SLC39A9: variants seen among roughly 807,000 people sequenced by gnomAD.
SLC39A9 encodes the protein solute carrier family 39 member 9.
Under a neutral mutation model 28.4 loss-of-function variants are expected in SLC39A9, and 14 were observed. That is an observed-to-expected ratio of 0.49 (90% CI 0.33 to 0.77). The LOEUF is 0.77. SLC39A9 is among the 30% of genes least tolerant of loss of function. The pLI is 0.02. For synonymous variants in SLC39A9, 119 were observed against 149.6 expected (o/e 0.80, Z 1.49); for missense variants, 283 against 381.1 (o/e 0.74, Z 2.14).
chr14:69,461,823 G>A lies in SLC39A9; in HGVS notation c.*3230G>A, dbSNP rs1372674409. 4.3e-6 allele frequency: 6 copies of A among 1,400,962 alleles called. No homozygotes were observed. In the African/African-American group the frequency reaches 8.6e-5, roughly 20 times the overall value. The allele number at this position is 1,400,962 out of a possible 1,614,324, so 86.8% of individuals were successfully genotyped here. On this transcript the variant is annotated 3_prime_UTR_variant, in exon 7 of 7. Coordinates refer to ENST00000336643, the MANE Select transcript of SLC39A9 (RefSeq NM_018375.5). ...CCCCCAAAGGATGTTCCTGCCTTGTGGGCCCCTGAGCCCCTTGGGAGACTG... is the reference window on the plus strand; with the variant it reads ...CCCCCAAAGGATGTTCCTGCCTTGTAGGCCCCTGAGCCCCTTGGGAGACTG...
intron 1 of SLC39A9, among the ~76,000 whole-genome samples, chr14:69,404,205 C>T (rs939787594): frequency 2.0e-5 from 3 of 152,132 alleles, no homozygotes; most frequent in African/African-American, 7.2e-5. Context: ...CCACTGGCAA[C>T]ATAAGGAGAC....
At chr14:69,414,748 T>G (rs1215180941) in intron 1 of SLC39A9, among the ~76,000 whole-genome samples, 1 of 152,232 alleles carries the variant, frequency 6.6e-6, no homozygotes, top group Non-Finnish European at 1.5e-5. Flanking sequence ...TATCTGTTAT[T>G]CTAGAAAGTA....
chr14:69,446,646 G>T (rs1010677197), intron 3 of SLC39A9, among the ~76,000 whole-genome samples: 1 of 152,000 alleles, frequency 6.6e-6, no homozygotes, highest in Non-Finnish European at 1.5e-5. Flanking sequence ...GCCTAGGCGG[G>T]TGCATCACCT....
At chr14:69,458,043 G>A (rs1271118887) in intron 6 of SLC39A9, among the ~76,000 whole-genome samples, 6 of 152,182 alleles carry the variant, frequency 3.9e-5, no homozygotes, top group African/African-American at 1.4e-4. Context: ...TATTTGAGAT[G>A]ACAGATGTTA....
chr14:69,422,256 TTTTG>T (rs756226545), intron 1 of SLC39A9, among the ~76,000 whole-genome samples: 78 of 152,202 alleles, frequency 5.1e-4, no homozygotes, highest in Non-Finnish European at 8.8e-4. Flanking sequence ...TCCCTTGTGG[TTTTG>T]TTTATTTTCA....
intron 2 of SLC39A9, among the ~76,000 whole-genome samples, chr14:69,427,332 CAG>C (rs1884253894): frequency 6.6e-6 from 1 of 152,112 alleles, no homozygotes; most frequent in African/African-American, 2.4e-5. Context: ...CATTTGAAAA[CAG>C]ATTACAAAGT....
chr14:69,459,251 G>C lies in SLC39A9; in HGVS notation c.*658G>C. 1 of 985,452 alleles carries C rather than the reference G, an allele frequency of 1.0e-6. No individual in the cohort carries two copies. The highest frequency in any genetic ancestry group is 1.2e-6 in the Non-Finnish European group (1 of 829,934). The allele number at this position is 985,452 out of a possible 1,614,324, so 61.0% of individuals were successfully genotyped here. ...CAGCTCCTTTGGCACGTGCCTCTCT[G>C]AATCCAGCCTGCCATTCCATCAAAT... is the stretch of plus-strand genomic sequence containing the variant. On this transcript the variant is annotated 3_prime_UTR_variant, in exon 7 of 7. Coordinates refer to ENST00000336643, the MANE Select transcript of SLC39A9 (RefSeq NM_018375.5).
intron 1 of SLC39A9, among the ~76,000 whole-genome samples, chr14:69,408,963 A>G (rs1883091098): frequency 6.6e-6 from 1 of 152,210 alleles, no homozygotes; most frequent in Admixed American, 6.6e-5. Context: ...CTGATATGTC[A>G]GGTTCTACGT....
At chr14:69,445,890 C>A (rs1885271045) in intron 3 of SLC39A9, among the ~76,000 whole-genome samples, 1 of 152,068 alleles carries the variant, frequency 6.6e-6, no homozygotes, top group East Asian at 1.9e-4. Context: ...AATTGTATTT[C>A]AAGTGAATAA....
rs1566929442 is a variant in SLC39A9 at position 69,461,273 on chromosome 14, CT to C, written c.*2681del. The C allele has an allele frequency of 1.0e-6, 1 of 993,558 alleles. No homozygotes were observed. The highest frequency in any genetic ancestry group is 1.1e-4 in the East Asian group (1 of 9,360). 61.5% of individuals were successfully genotyped at this position (993,558 alleles called of 1,614,324 possible). On this transcript the variant is annotated 3_prime_UTR_variant, in exon 7 of 7. Transcript: ENST00000336643. ...AGACTTTCTTCAGATTCCAAGTGCT[CT>C]CTTAAATGGCAAATTAAGTTAAAGA... is the stretch of plus-strand genomic sequence containing the variant.
In SLC39A9 at chr14:69,460,049, C is replaced by A; in HGVS notation, c.*1456C>A. The A allele has an allele frequency of 7.1e-6, 7 of 983,608 alleles. No individual in the cohort carries two copies. The highest frequency in any genetic ancestry group is 8.5e-6 in the Non-Finnish European group (7 of 828,268). 60.9% of individuals were successfully genotyped at this position (983,608 alleles called of 1,614,324 possible). A position where few individuals can be genotyped will look rare whatever the true frequency, so the allele number is the denominator to read the frequency against. On this transcript the variant is annotated 3_prime_UTR_variant, in exon 7 of 7. Transcript: ENST00000336643. ...TAACAGACTAGGATAATTTTTTTTT[C>A]ATATTTGCCAAAATTTTTGTAAACC...
At chr14:69,403,487 G>T (rs1882748804) in intron 1 of SLC39A9, among the ~76,000 whole-genome samples, 1 of 152,108 alleles carries the variant, frequency 6.6e-6, no homozygotes, top group Non-Finnish European at 1.5e-5. Context: ...AAACTGCCTG[G>T]TAAAGGATCA....
At chr14:69,405,148 C>T (rs1355628680) in intron 1 of SLC39A9, among the ~76,000 whole-genome samples, 1 of 152,172 alleles carries the variant, frequency 6.6e-6, no homozygotes, top group Non-Finnish European at 1.5e-5. Context: ...CACCAGGTCC[C>T]TCGCATGGGA....
chr14:69,414,098 T>C (rs1016998952), intron 1 of SLC39A9, among the ~76,000 whole-genome samples: 1 of 150,674 alleles, frequency 6.6e-6, no homozygotes, highest in African/African-American at 2.4e-5. Flanking sequence ...TCACCCAGGC[T>C]GGAGTGCAGT....
intron 1 of SLC39A9, among the ~76,000 whole-genome samples, chr14:69,400,274 G>A (rs1882559597): frequency 6.6e-6 from 1 of 152,186 alleles, no homozygotes; most frequent in East Asian, 1.9e-4. Context: ...TTGATATTCT[G>A]AAGTTGTTTC....
At chr14:69,458,173 A>G (rs909151721) in intron 6 of SLC39A9, among the ~76,000 whole-genome samples, 190 bp from the exon 7 acceptor site, 6 of 152,216 alleles carry the variant, frequency 3.9e-5, no homozygotes, top group Non-Finnish European at 5.9e-5. Context: ...AATTGCGTAC[A>G]TCACTGATAT....
chr14:69,460,541 A>C lies in SLC39A9; in HGVS notation c.*1948A>C. 3.0e-6 allele frequency: 3 copies of C among 985,384 alleles called. No individual in the cohort carries two copies. The highest frequency in any genetic ancestry group is 3.6e-6 in the Non-Finnish European group (3 of 829,932). The allele number at this position is 985,384 out of a possible 1,614,324, so 61.0% of individuals were successfully genotyped here. A position where few individuals can be genotyped will look rare whatever the true frequency, so the allele number is the denominator to read the frequency against. On this transcript the variant is annotated 3_prime_UTR_variant, in exon 7 of 7. Transcript: ENST00000336643. ...ACTGACTTTGTCAAATAAATAGCAG[A>C]TTGTAGTGTCTGGTTTGGTTTGGAC... is the stretch of plus-strand genomic sequence containing the variant.
chr14:69,453,721 G>A (rs189941114), intron 4 of SLC39A9, among the ~76,000 whole-genome samples: 1 of 152,142 alleles, frequency 6.6e-6, no homozygotes, highest in South Asian at 2.1e-4. Flanking sequence ...AGGTTAGGGT[G>A]ATGGCAATAA....
At chr14:69,442,742 A>G (rs1885107613) in intron 3 of SLC39A9, among the ~76,000 whole-genome samples, 1 of 152,250 alleles carries the variant, frequency 6.6e-6, no homozygotes. Flanking sequence ...TAAATCCTAA[A>G]CAAGTTAGAG....
Sources: gnomAD v4.1 joint callset for allele counts (sites outside exome capture counted in the v4.1 genomes callset) on GRCh38, gnomAD v4.1.1 for gene constraint, MANE v1.5 for transcripts, NCBI Gene and HGNC (gene_info 2026-07-23, HGNC 2026-07-21) for gene names.